Variants in SMIM14 observed in about 807,000 individuals in gnomAD.
SMIM14 encodes chromosome 4 open reading frame 34.
SMIM14 carries 5 observed loss-of-function variants against 12.6 expected under a neutral mutation model. That is an observed-to-expected ratio of 0.40 (90% CI 0.21 to 0.83). The LOEUF is 0.83. Among genes scored for constraint, SMIM14 ranks in the 40% least tolerant of loss-of-function variants. SMIM14 has a pLI of 0.37. For synonymous variants in SMIM14, 30 were observed against 40.1 expected (o/e 0.75, Z 0.95); for missense variants, 86 against 119.1 (o/e 0.72, Z 1.29).
intron 1 of SMIM14, among the ~76,000 whole-genome samples, chr4:39,607,539 G>C (rs1056240906): frequency 6.6e-6 from 1 of 152,138 alleles, no homozygotes; most frequent in Non-Finnish European, 1.5e-5. Flanking sequence ...AGGATCACTT[G>C]AGCTCAGGAG....
At chr4:39,589,444 T>C (rs1713946873) in intron 2 of SMIM14, 1 of 152,042 alleles carries the variant, frequency 6.6e-6, no homozygotes, top group Admixed American at 6.6e-5. Flanking sequence ...AGATTAAGAG[T>C]TGAAATACAG....
At chr4:39,629,983 G>T (rs1715842277) in intron 1 of SMIM14, among the ~76,000 whole-genome samples, 1 of 151,972 alleles carries the variant, frequency 6.6e-6, no homozygotes, top group African/African-American at 2.4e-5. Flanking sequence ...AAACTTGAGA[G>T]GTATATTACA....
chr4:39,595,371 A>G (rs1487153896), intron 2 of SMIM14, among the ~76,000 whole-genome samples: 2 of 124,456 alleles, frequency 1.6e-5, no homozygotes, highest in Non-Finnish European at 3.2e-5. Flanking sequence ...ACATGGACAC[A>G]GGAAGGGGAA....
At chr4:39,552,179 A>ATCTTGATTCTCAAGATT in intron 4 of SMIM14, 21 bp from the exon 5 acceptor site, 2 of 1,559,774 alleles carry the variant, frequency 1.3e-6, no homozygotes, top group Non-Finnish European at 1.7e-6. Context: ...AAAGAAATAA[A>ATCTTGATTCTCAAGATT]TTATTTAATT....
chr4:39,609,650 T>C (rs187273795), intron 1 of SMIM14, among the ~76,000 whole-genome samples: 8 of 152,316 alleles, frequency 5.3e-5, no homozygotes, highest in Admixed American at 5.2e-4. Context: ...GAGGGAGTCA[T>C]GCCACAAAGG....
chr4:39,589,301 A>G lies in SMIM14; in HGVS notation c.75+15770T>C, dbSNP rs28699048. On this transcript the variant is annotated intron_variant, in intron 2 of 4. Transcript: ENST00000295958. ...GAGTTTTCACCATGTTGACCAGGTTAGTTTCAAACTCCTGACCTCAAATGA... is the reference window on the plus strand; with the variant it reads ...GAGTTTTCACCATGTTGACCAGGTTGGTTTCAAACTCCTGACCTCAAATGA... Among the ~76,000 whole-genome samples the G allele has an allele frequency of 4.6e-3, 693 of 152,240 alleles. 5 individuals are homozygous for G. The highest frequency in any genetic ancestry group is 0.016 in the African/African-American group (658 of 41,552).
At chr4:39,560,099 G>A (rs1712226332) in intron 3 of SMIM14, among the ~76,000 whole-genome samples, 1 of 151,858 alleles carries the variant, frequency 6.6e-6, no homozygotes, top group South Asian at 2.1e-4. Flanking sequence ...TCCAGCCTGG[G>A]CAACAGAGCC....
intron 2 of SMIM14, among the ~76,000 whole-genome samples, chr4:39,584,272 A>C (rs1713663506): frequency 2.0e-5 from 3 of 151,772 alleles, no homozygotes; most frequent in Admixed American, 1.3e-4. Context: ...AGTTGAGGTC[A>C]GAAGTTTGAG....
chr4:39,586,215 T>C (rs1298335830), intron 2 of SMIM14, among the ~76,000 whole-genome samples: 10 of 152,102 alleles, frequency 6.6e-5, no homozygotes, highest in Non-Finnish European at 1.2e-4. Flanking sequence ...AATCTTTAAG[T>C]TGTGGTTCCT....
intron 2 of SMIM14, among the ~76,000 whole-genome samples, chr4:39,583,093 TTTTG>T: frequency 6.6e-6 from 1 of 151,730 alleles, no homozygotes; most frequent in Middle Eastern, 3.4e-3. Flanking sequence ...CATCCAGCCG[TTTTG>T]TTTTTTTAAG....
intron 2 of SMIM14, chr4:39,587,939 T>A (rs903600004): frequency 6.6e-6 from 1 of 152,368 alleles, no homozygotes; most frequent in African/African-American, 2.4e-5. Flanking sequence ...TGTTCTCCCT[T>A]GGAACCAGGC....
intron 2 of SMIM14, among the ~76,000 whole-genome samples, chr4:39,604,333 T>C (rs1191564650): frequency 6.6e-6 from 1 of 151,842 alleles, no homozygotes; most frequent in East Asian, 2.0e-4. Flanking sequence ...GGTCAGGAGT[T>C]TGAGACCAGC....
At chr4:39,580,746 T>C (rs964437729) in intron 2 of SMIM14, among the ~76,000 whole-genome samples, 19 of 151,520 alleles carry the variant, frequency 1.3e-4, no homozygotes, top group African/African-American at 4.6e-4. Context: ...AGGCTGGTCT[T>C]GAACTCCTGA....
chr4:39,608,876 T>G (rs1214373790), intron 1 of SMIM14, among the ~76,000 whole-genome samples: 2 of 152,218 alleles, frequency 1.3e-5, no homozygotes, highest in East Asian at 3.8e-4. Context: ...TGACTGCTAA[T>G]GTGTATAGGA....
chr4:39,619,756 A>T (rs1234164109), intron 1 of SMIM14, among the ~76,000 whole-genome samples: 1 of 128,036 alleles, frequency 7.8e-6, no homozygotes, highest in South Asian at 2.2e-4. Context: ...ATAATTTATT[A>T]TATATATATC....
At chr4:39,575,306 G>A (rs983841372) in intron 2 of SMIM14, among the ~76,000 whole-genome samples, 2 of 152,012 alleles carry the variant, frequency 1.3e-5, no homozygotes, top group Non-Finnish European at 2.9e-5. Context: ...GCCTCCCAAA[G>A]TGCTGGGATT....
Position 39,572,460 on chromosome 4 carries a change from G to C in SMIM14, c.79C>G (p.Arg27Gly). Residue 27 changes from arginine to glycine, a missense_variant, in exon 3 of 5, where the codon CGG becomes GGG. Transcript: ENST00000295958. Reference protein sequence around the residue: ...HAMRRLINLLRQSQSYCTDTE... With the variant: ...HAMRRLINLLGQSQSYCTDTE... ...TCTGTGCAGTAGGACTGGGACTGCC[G>C]TAACTACAATGAATAAGAAAGGGAA... is the stretch of plus-strand genomic sequence containing the variant. The C allele has an allele frequency of 6.2e-7, 1 of 1,607,466 alleles. No homozygotes were observed. The highest frequency in any genetic ancestry group is 8.5e-7 in the Non-Finnish European group (1 of 1,175,752).
At chr4:39,625,494 T>G (rs990235914) in intron 1 of SMIM14, among the ~76,000 whole-genome samples, 7 of 151,712 alleles carry the variant, frequency 4.6e-5, no homozygotes, top group African/African-American at 1.7e-4. Flanking sequence ...CAGGCTGGAG[T>G]GCAGTGGCGC....
intron 1 of SMIM14, among the ~76,000 whole-genome samples, chr4:39,621,686 CTTTT>C (rs57206633): frequency 0.083 from 8,725 of 105,472 alleles, 299 homozygotes; most frequent in East Asian, 0.24. Flanking sequence ...CCAAACGTTT[CTTTT>C]TTTTTTTTTT....
Sources: gnomAD v4.1 joint callset for allele counts (sites outside exome capture counted in the v4.1 genomes callset) on GRCh38, gnomAD v4.1.1 for gene constraint, MANE v1.5 for transcripts, NCBI Gene and HGNC (gene_info 2026-07-23, HGNC 2026-07-21) for gene names.